Variants in CA12 observed in about 807,000 individuals in gnomAD.
The protein encoded by CA12 is carbonate dehydratase XII.
A neutral mutation model predicts 46.8 loss-of-function variants in CA12; 36 were observed. That is an observed-to-expected ratio of 0.77 (90% CI 0.59 to 1.02). The LOEUF (loss-of-function observed/expected upper bound fraction) is 1.02, where lower values mean the gene tolerates loss of function less well. Among genes scored for constraint, CA12 ranks in the 50% least tolerant of loss-of-function variants. The pLI is 0.00. For synonymous variants in CA12, 202 were observed against 187.0 expected (o/e 1.08, Z -0.65); for missense variants, 436 against 451.4 (o/e 0.97, Z 0.31).
At chr15:63,363,891 A>G (rs1276209520) in intron 2 of CA12, among the ~76,000 whole-genome samples, 1 of 152,220 alleles carries the variant, frequency 6.6e-6, no homozygotes, top group Non-Finnish European at 1.5e-5. Context: ...AAGGCTTATC[A>G]AGAGTGGGAG....
rs552677795 is a variant in CA12 at position 63,323,396 on chromosome 15, A to T, written c.*2889T>A. ...AGTCTATCAGCTTATTTTCCTTTGG[A>T]GCCAGGTTCTAAGAAGTGGATGCGA... On this transcript the variant is annotated 3_prime_UTR_variant, in exon 11 of 11. Transcript: ENST00000178638. This position sits in a 1 kb window ranked among gnomAD's most constrained non-coding sequence, Gnocchi z 5.1. 7 of 152,350 alleles carry T rather than the reference A, an allele frequency of 4.6e-5. No homozygotes were observed. The East Asian group carries it at 1.2e-3, about 25-fold the overall frequency. The allele number at this position is 152,350 out of a possible 1,614,324, so 9.4% of individuals were successfully genotyped here.
At chr15:63,334,459 G>T (rs953446897) in intron 8 of CA12, among the ~76,000 whole-genome samples, 3 of 150,860 alleles carry the variant, frequency 2.0e-5, no homozygotes, top group Admixed American at 6.6e-5. Context: ...GTTTCACCAT[G>T]TTGGCCAGGC....
intron 2 of CA12, among the ~76,000 whole-genome samples, chr15:63,347,788 G>T (rs1481001288): frequency 1.3e-5 from 2 of 152,188 alleles, no homozygotes; most frequent in African/African-American, 4.8e-5. Flanking sequence ...GTAGACCCAG[G>T]GTGTCCTGTG....
At position 63,326,364 on chromosome 15, in the gene CA12, CAGAA is replaced by C. The variant is rs916517865; in HGVS notation, c.993-11_993-8del. ...GTTATCACCTTTTTTGATACTAGAA[CAGAA>C]AGAACACATAACTCTTGTTAGAGAG... On this transcript the variant is annotated splice_region_variant and splice_polypyrimidine_tract_variant and intron_variant, in intron 10 of 10. Transcript: ENST00000178638. 1.2e-6 allele frequency: 2 copies of C among 1,609,814 alleles called. No individual in the cohort carries two copies. The highest frequency in any genetic ancestry group is 2.7e-5 in the African/African-American group (2 of 74,794).
Position 63,327,432 on chromosome 15 carries a change from A to C in CA12, c.908-199T>G, listed in dbSNP as rs1384295392. Among the ~76,000 whole-genome samples the C allele has an allele frequency of 6.6e-6, 1 of 151,246 alleles. No individual in the cohort carries two copies. The highest frequency in any genetic ancestry group is 1.9e-4 in the East Asian group (1 of 5,160). On this transcript the variant is annotated intron_variant, in intron 9 of 10. Coordinates refer to ENST00000178638, the MANE Select transcript of CA12 (RefSeq NM_001218.5). The surrounding 1 kb of genome is among the most constrained non-coding windows in gnomAD (Gnocchi z 4.5). ...TTTGAGGTGGCCGTTTGCAAATTCT[A>C]GTGGTTTTCCAGCAGATGCTCTCAA...
At chr15:63,364,351 A>AAAAG (rs71131165) in intron 2 of CA12, among the ~76,000 whole-genome samples, 3 of 150,488 alleles carry the variant, frequency 2.0e-5, no homozygotes, top group African/African-American at 7.3e-5. Flanking sequence ...AAAAAAAAAA[A>AAAAG]AAAACAGTGG....
rs2038918393 is a variant in CA12, at chr15:63,330,151, C to A, written c.875-2021G>T. Among the ~76,000 whole-genome samples, 1 of 152,230 alleles carries A rather than the reference C, an allele frequency of 6.6e-6. No individual in the cohort carries two copies. Among genetic ancestry groups the A allele is most frequent in the Admixed American group, 6.5e-5 (1 of 15,290 alleles). On this transcript the variant is annotated intron_variant, in intron 8 of 10. Transcript: ENST00000178638. This position sits in a 1 kb window ranked among gnomAD's most constrained non-coding sequence, Gnocchi z 4.0. Reference sequence around the variant, plus strand: ...CCAGACTCCCTGCCCCAGGCCTCTTCGTGTAACCTGAACACAAGGACCAGC... The same window carrying A: ...CCAGACTCCCTGCCCCAGGCCTCTTAGTGTAACCTGAACACAAGGACCAGC...
At chr15:63,353,612 G>A (rs898388581) in intron 2 of CA12, among the ~76,000 whole-genome samples, 1 of 152,214 alleles carries the variant, frequency 6.6e-6, no homozygotes, top group South Asian at 2.1e-4. Context: ...TAGAGCCACA[G>A]AGAACACAGC....
In CA12 at chr15:63,381,747, C is replaced by G; in HGVS notation, c.-27G>C. On this transcript the variant is annotated 5_prime_UTR_variant, in exon 1 of 11. Transcript: ENST00000178638. ...TTCGCGGGCTCCTGCGGGGCGGGCGCGGGCTGTGCCGGGGGCTCCCGGTGG... is the reference window on the plus strand; with the variant it reads ...TTCGCGGGCTCCTGCGGGGCGGGCGGGGGCTGTGCCGGGGGCTCCCGGTGG... 2 of 1,517,648 alleles carry G rather than the reference C, an allele frequency of 1.3e-6. No homozygotes were observed. 94.0% of individuals were successfully genotyped at this position (1,517,648 alleles called of 1,614,324 possible). A position where few individuals can be genotyped will look rare whatever the true frequency, so the allele number is the denominator to read the frequency against.
intron 1 of CA12, among the ~76,000 whole-genome samples, chr15:63,377,324 C>T (rs1349560654): frequency 6.6e-6 from 1 of 152,128 alleles, no homozygotes; most frequent in African/African-American, 2.4e-5. Context: ...GATGGAAAAG[C>T]GTACCCTTGT....
rs747362208 is a variant in CA12 at position 63,326,130 on chromosome 15, G to A, written c.*155C>T. 1 of 684,842 alleles carries A rather than the reference G, an allele frequency of 1.5e-6. No individual in the cohort carries two copies. Among genetic ancestry groups the A allele is most frequent in the Non-Finnish European group, 2.7e-6 (1 of 375,582 alleles). 42.4% of individuals were successfully genotyped at this position (684,842 alleles called of 1,614,324 possible). On this transcript the variant is annotated 3_prime_UTR_variant, in exon 11 of 11. Transcript: ENST00000178638. ...GCTCTGGGGTGGCCATGGTCCCAAG[G>A]CAAGGAGGCACCCAGCAGAGGATCC...
At chr15:63,364,278 A>G (rs1325800503) in intron 2 of CA12, among the ~76,000 whole-genome samples, 3 of 129,442 alleles carry the variant, frequency 2.3e-5, no homozygotes, top group South Asian at 5.4e-4. Flanking sequence ...ACTTGAGCCC[A>G]GGAGTTTGAG....
In CA12 at chr15:63,373,691, G is replaced by C. The variant is rs1371045214; in HGVS notation, c.106+1967C>G. On this transcript the variant is annotated intron_variant, in intron 2 of 10. Transcript: ENST00000178638. This position sits in a 1 kb window ranked among gnomAD's most constrained non-coding sequence, Gnocchi z 4.9. Reference sequence around the variant, plus strand: ...AAGGCCTAGAAATCTGCATTTTGGGGAAGTATTCCAGGTGATCCTGATGTG... The same window carrying C: ...AAGGCCTAGAAATCTGCATTTTGGGCAAGTATTCCAGGTGATCCTGATGTG... Among the ~76,000 whole-genome samples the C allele has an allele frequency of 1.3e-5, 2 of 152,194 alleles. No individual in the cohort carries two copies. The highest frequency in any genetic ancestry group is 4.8e-5 in the African/African-American group (2 of 41,428).
chr15:63,346,991 A>G (rs1353068114), intron 2 of CA12, among the ~76,000 whole-genome samples: 10 of 152,208 alleles, frequency 6.6e-5, no homozygotes, highest in Admixed American at 6.5e-4. Context: ...CCTGTTTGAC[A>G]CACACGTCAA....
chr15:63,371,069 T>C (rs1436204124), intron 2 of CA12, among the ~76,000 whole-genome samples: 2 of 152,224 alleles, frequency 1.3e-5, no homozygotes, highest in East Asian at 3.9e-4. Flanking sequence ...TGCTGAAGAA[T>C]AGAAAGTCAA....
intron 1 of CA12, among the ~76,000 whole-genome samples, chr15:63,379,704 T>C (rs1595796551): frequency 6.6e-6 from 1 of 152,230 alleles, no homozygotes; most frequent in Non-Finnish European, 1.5e-5. Context: ...CCAAGATCCA[T>C]ATCAGAGGTC....
chr15:63,380,191 C>T (rs895415642), intron 1 of CA12, among the ~76,000 whole-genome samples: 6 of 152,036 alleles, frequency 3.9e-5, no homozygotes, highest in African/African-American at 7.2e-5. Context: ...CAGAGTGAGG[C>T]GAAAGTGGAG....
At chr15:63,369,863 C>T (rs2039481314) in intron 2 of CA12, among the ~76,000 whole-genome samples, 2 of 152,184 alleles carry the variant, frequency 1.3e-5, no homozygotes, top group Admixed American at 1.3e-4. Context: ...GGAACTAATG[C>T]TAGCTTCCCT....
chr15:63,331,040 T>G lies in CA12; in HGVS notation c.875-2910A>C, dbSNP rs1011027753. Among the ~76,000 whole-genome samples the G allele has an allele frequency of 6.6e-6, 1 of 152,216 alleles. No homozygotes were observed. Among genetic ancestry groups the G allele is most frequent in the African/African-American group, 2.4e-5 (1 of 41,456 alleles). ...GAATGCCGGCGAGGGTGTCACCCGA[T>G]AGTTCCACCACCTCAGGAAGCCCAG... On this transcript the variant is annotated intron_variant, in intron 8 of 10. Coordinates refer to ENST00000178638, the MANE Select transcript of CA12 (RefSeq NM_001218.5). This position sits in a 1 kb window ranked among gnomAD's most constrained non-coding sequence, Gnocchi z 5.3.
Sources: allele counts gnomAD v4.1 joint callset (sites outside exome capture counted in the v4.1 genomes callset), GRCh38; gene constraint gnomAD v4.1.1; non-coding constraint Gnocchi (gnomAD v3.1); transcripts MANE v1.5; gene names NCBI Gene and HGNC (gene_info 2026-07-23, HGNC 2026-07-21).